The following ARFGEF3 variants were observed in gnomAD, a reference collection of about 807,000 sequenced individuals.
ARFGEF3 encodes ARFGEF family member 3, also known as brefeldin A-inhibited guanine nucleotide-exchange protein 3.
A neutral mutation model predicts 221.7 loss-of-function variants in ARFGEF3; 96 were observed. The ratio of observed to expected loss-of-function variants is 0.43; its 90% CI spans 0.37 to 0.51. The LOEUF (loss-of-function observed/expected upper bound fraction) is 0.51, where lower values mean the gene tolerates loss of function less well. Among genes scored for constraint, ARFGEF3 ranks in the 20% least tolerant of loss-of-function variants. The pLI, the probability that ARFGEF3 is intolerant of heterozygous loss-of-function variation, is 0.00. For missense variants in ARFGEF3, 2,410 were observed against 2,789.9 expected (o/e 0.86, Z 3.07); for synonymous variants, 1,145 against 1,126.8 (o/e 1.02, Z -0.32).
At chr6:138,233,612 C>T (rs867020477) in intron 5 of ARFGEF3, among the ~76,000 whole-genome samples, 25 of 152,168 alleles carry the variant, frequency 1.6e-4, no homozygotes, top group Middle Eastern at 3.4e-3. Context: ...CTCCTGACCT[C>T]GTGATCCACC....
chr6:138,275,083 GACA>G (rs1369109937), intron 12 of ARFGEF3, among the ~76,000 whole-genome samples: 1 of 151,984 alleles, frequency 6.6e-6, no homozygotes, highest in Non-Finnish European at 1.5e-5. Flanking sequence ...CTCCAGCCTG[GACA>G]ACAAGAGCAA....
chr6:138,292,986 C>G lies in ARFGEF3; in HGVS notation c.3368+933C>G, dbSNP rs186025370. The stretch of plus-strand genomic sequence containing the variant: ...GAAATGGTCAATAGGACCCAGAAAC[C>G]AAATGGTATCAAAATTGGAAGTTAC... On this transcript the variant is annotated intron_variant, in intron 19 of 33. Transcript: ENST00000251691. Among the ~76,000 whole-genome samples, 5 of 152,270 alleles carry G rather than the reference C, an allele frequency of 3.3e-5. No individual in the cohort carries two copies. The East Asian group carries it at 7.7e-4, about 24-fold the overall frequency.
chr6:138,255,902 G>A (rs1463082063), intron 10 of ARFGEF3, 133 bp downstream of exon 10: 5 of 747,632 alleles, frequency 6.7e-6, no homozygotes, highest in East Asian at 2.7e-5. Flanking sequence ...GTCCAGTAGC[G>A]AATGCTGTCT....
In ARFGEF3 at chr6:138,262,708, G is replaced by T; in HGVS notation, c.1225G>T (p.Asp409Tyr). 1 of 1,600,904 alleles carries T rather than the reference G, an allele frequency of 6.2e-7. No homozygotes were observed. The highest frequency in any genetic ancestry group is 1.1e-5 in the South Asian group (1 of 90,532). Residue 409 changes from aspartate to tyrosine, a missense_variant, in exon 12 of 34, where the codon GAT becomes TAT. By Grantham distance (160) the Asp-to-Tyr change is radical. Around this residue, in one of 5 missense-constraint regions of ARFGEF3, gnomAD observed 570 missense variants for 586.9 expected, o/e 0.97. Coordinates refer to ENST00000251691, the MANE Select transcript of ARFGEF3 (RefSeq NM_020340.5). ...SHLDLLKLIM[D>Y]GMTEACIKGG... The stretch of plus-strand genomic sequence containing the variant: ...CTTTTGAACACTGTTTAGCATCATG[G>T]ATGGCATGACCGAAGCATGCATCAA...
At chr6:138,169,299 G>A (rs1388212676) in intron 1 of ARFGEF3, among the ~76,000 whole-genome samples, 1 of 152,136 alleles carries the variant, frequency 6.6e-6, no homozygotes, top group Non-Finnish European at 1.5e-5. Context: ...CTTCGCCTTG[G>A]GTTCCACACT....
Position 138,162,194 on chromosome 6 carries a change from CCGCGGCGGGAGGGCCG to C in ARFGEF3, c.85+30_85+45del, listed in dbSNP as rs1776628380. Reference sequence around the variant, plus strand: ...TGGGTAAGCGTCCGGCACCTGCTCGCCGCGGCGGGAGGGCCGCGCGGCCGGGGCTGAACCCGCGCCT... The same window carrying C: ...TGGGTAAGCGTCCGGCACCTGCTCGCCGCGGCCGGGGCTGAACCCGCGCCT... On this transcript the variant is annotated intron_variant, in intron 1 of 33. Coordinates refer to ENST00000251691, the MANE Select transcript of ARFGEF3 (RefSeq NM_020340.5). This position sits in a 1 kb window ranked among gnomAD's most constrained non-coding sequence, Gnocchi z 4.7. 4 of 1,574,294 alleles carry C rather than the reference CCGCGGCGGGAGGGCCG, an allele frequency of 2.5e-6. No individual in the cohort carries two copies. In the Admixed American group the frequency reaches 6.9e-5, roughly 27 times the overall value.
chr6:138,262,893 T>G lies in ARFGEF3; in HGVS notation c.1410T>G (p.Asp470Glu). ...AGGATGGGGCTGAGTGGAGCCGAGA[T>G]TCCATGGAGATCAATGAGGCTGACT... The part of the protein sequence containing the change: ...ELKDGAEWSR[D>E]SMEINEADFR... Residue 470 changes from aspartate (D) to glutamate (E), a missense_variant, in exon 12 of 34, where the codon GAT becomes GAG. Physicochemically the swap from Asp to Glu is conservative, Grantham distance 45. This residue lies in a region of ARFGEF3 where 570 missense variants were observed against 586.9 expected (regional missense o/e 0.97). Coordinates refer to ENST00000251691, the MANE Select transcript of ARFGEF3 (RefSeq NM_020340.5). 1 of 1,613,294 alleles carries G rather than the reference T, an allele frequency of 6.2e-7. No homozygotes were observed. The highest frequency in any genetic ancestry group is 1.3e-5 in the African/African-American group (1 of 75,028).
Position 138,338,215 on chromosome 6 carries a change from A to T in ARFGEF3, c.*1729A>T, listed in dbSNP as rs957671151. ...GCTATTTGATCTTAAAAGGCAATGA[A>T]TTGTTGGGATATCAGTGAACTATGT... On this transcript the variant is annotated 3_prime_UTR_variant, in exon 34 of 34. Transcript: ENST00000251691. The T allele has an allele frequency of 2.6e-5, 4 of 152,222 alleles. No individual in the cohort carries two copies. The highest frequency in any genetic ancestry group is 9.6e-5 in the African/African-American group (4 of 41,462). 9.4% of individuals were successfully genotyped at this position (152,222 alleles called of 1,614,324 possible). A position where few individuals can be genotyped will look rare whatever the true frequency, so the allele number is the denominator to read the frequency against.
intron 4 of ARFGEF3, among the ~76,000 whole-genome samples, chr6:138,213,145 G>A (rs1295005919): frequency 1.3e-5 from 2 of 151,848 alleles, no homozygotes; most frequent in Admixed American, 6.6e-5. Context: ...AAAATTAGCC[G>A]GGCATGGTGG....
chr6:138,200,812 A>G (rs1164015400), intron 2 of ARFGEF3, among the ~76,000 whole-genome samples: 1 of 152,246 alleles, frequency 6.6e-6, no homozygotes, highest in Non-Finnish European at 1.5e-5. Flanking sequence ...AATAAAAACA[A>G]AGAAAAATAG....
intron 4 of ARFGEF3, among the ~76,000 whole-genome samples, chr6:138,214,045 CTT>C (rs1383514329): frequency 1.3e-5 from 2 of 152,192 alleles, no homozygotes; most frequent in African/African-American, 4.8e-5. Context: ...TTTTATCCCT[CTT>C]CTCTCTGAAT....
Position 138,291,825 on chromosome 6 carries a change from C to T in ARFGEF3, c.3140C>T (p.Thr1047Ile), listed in dbSNP as rs941396015. The change falls in exon 19 of 34, where the codon ACT becomes ATT. Residue 1047 changes from threonine (T) to isoleucine (I), a missense_variant. Around this residue, in one of 5 missense-constraint regions of ARFGEF3, gnomAD observed 184 missense variants for 141.8 expected, o/e 1.30. Transcript: ENST00000251691. The surrounding 1 kb of genome is among the most constrained non-coding windows in gnomAD (Gnocchi z 4.5). ...PLTISQPQKA[T>I]GSAGLLGDPE... ...ACCATCAGCCAGCCCCAGAAGGCCA[C>T]TGGAAGCGCTGGCCTCCTTGGGGAC... is the stretch of plus-strand genomic sequence containing the variant. 9.4e-6 allele frequency: 14 copies of T among 1,492,090 alleles called. No individual in the cohort carries two copies. The highest frequency in any genetic ancestry group is 1.2e-5 in the Non-Finnish European group (13 of 1,118,848). The allele number at this position is 1,492,090 out of a possible 1,614,324, so 92.4% of individuals were successfully genotyped here. A position where few individuals can be genotyped will look rare whatever the true frequency, so the allele number is the denominator to read the frequency against.
At chr6:138,222,594 C>T (rs964072892) in intron 4 of ARFGEF3, among the ~76,000 whole-genome samples, 1 of 152,116 alleles carries the variant, frequency 6.6e-6, no homozygotes, top group Non-Finnish European at 1.5e-5. Flanking sequence ...TGCTACATAT[C>T]CTACAATGAG....
chr6:138,181,107 A>G (rs150455593), intron 2 of ARFGEF3, among the ~76,000 whole-genome samples: 16 of 152,328 alleles, frequency 1.1e-4, no homozygotes, highest in Middle Eastern at 3.4e-3. Flanking sequence ...TTAATAAGGA[A>G]GACCTACAAT....
intron 6 of ARFGEF3, 107 bp downstream of exon 6, chr6:138,238,738 A>C: frequency 3.9e-6 from 4 of 1,020,374 alleles, no homozygotes; most frequent in Non-Finnish European, 5.9e-6. Context: ...AAACAGTAGG[A>C]AGAGCTTGCT....
chr6:138,246,244 AAGTCTCCACCAGCTAC>A (rs1322435453), intron 8 of ARFGEF3, among the ~76,000 whole-genome samples: 3 of 151,860 alleles, frequency 2.0e-5, no homozygotes, highest in Non-Finnish European at 4.4e-5. Context: ...ATGGGGCGAA[AAGTCTCCACCAGCTAC>A]ATATGCCATG....
Position 138,165,794 on chromosome 6 carries a change from A to T in ARFGEF3, c.85+3623A>T, listed in dbSNP as rs542338642. Among the ~76,000 whole-genome samples, 9 of 152,350 alleles carry T rather than the reference A, an allele frequency of 5.9e-5. No homozygotes were observed. In the South Asian group the frequency reaches 1.9e-3, roughly 32 times the overall value. ...TCTGAGACCCTCAAAGGAGAGAGGC[A>T]TCATTCCTCACTCAGATCATTTTGA... On this transcript the variant is annotated intron_variant, in intron 1 of 33. Transcript: ENST00000251691.
rs139723723 is a variant in ARFGEF3, at chr6:138,323,881, T to G, written c.4869+108T>G. 27 of 1,535,230 alleles carry G rather than the reference T, an allele frequency of 1.8e-5. No homozygotes were observed. The African/African-American group carries it at 2.5e-4, about 14-fold the overall frequency. ...TTCTGCCTCCTCTGAGCAGGCAGTC[T>G]CACTTTAGATCTTGCAGAGAGTGAG... is the stretch of plus-strand genomic sequence containing the variant. On this transcript the variant is annotated intron_variant, in intron 30 of 33. Transcript: ENST00000251691.
At chr6:138,241,324 T>C (rs924206218) in intron 6 of ARFGEF3, among the ~76,000 whole-genome samples, 12 of 152,240 alleles carry the variant, frequency 7.9e-5, no homozygotes, top group Non-Finnish European at 1.5e-5. Flanking sequence ...GATATCTGCA[T>C]AATTGATTCT....
Sources: allele counts gnomAD v4.1 joint callset (sites outside exome capture counted in the v4.1 genomes callset), GRCh38; gene constraint gnomAD v4.1.1; regional missense constraint gnomAD v4.1.1; non-coding constraint Gnocchi (gnomAD v3.1); transcripts MANE v1.5; gene names NCBI Gene and HGNC (gene_info 2026-07-23, HGNC 2026-07-21).